The following QRSL1 variants were observed in gnomAD, a reference collection of about 807,000 sequenced individuals.
QRSL1 encodes glutaminyl-tRNA amidotransferase subunit QRSL1.
QRSL1 carries 54 observed loss-of-function variants against 61.6 expected under a neutral mutation model. The ratio of observed to expected loss-of-function variants is 0.88; its 90% CI spans 0.70 to 1.10. The LOEUF (loss-of-function observed/expected upper bound fraction) is 1.10, where lower values mean the gene tolerates loss of function less well. Ranked by LOEUF, QRSL1 falls within the 50% of genes least tolerant of loss-of-function variation. QRSL1 has a pLI of 0.00. For missense variants in QRSL1, 505 were observed against 622.6 expected (o/e 0.81, Z 2.01); for synonymous variants, 228 against 225.7 (o/e 1.01, Z -0.09).
Position 106,640,525 on chromosome 6 carries a change from TA to T in QRSL1, c.184+18del, listed in dbSNP as rs1304898638. On this transcript the variant is annotated intron_variant, in intron 2 of 10. Transcript: ENST00000369046. Reference sequence around the variant, plus strand: ...ATAAGAATGGTAAATTGCTTTTAACTATACTTAATTGTTATATCTCCAGAGA... The same window carrying T: ...ATAAGAATGGTAAATTGCTTTTAACTTACTTAATTGTTATATCTCCAGAGA... The T allele has an allele frequency of 1.3e-6, 2 of 1,522,130 alleles. No individual in the cohort carries two copies. Among genetic ancestry groups the T allele is most frequent in the South Asian group, 2.6e-5 (2 of 76,788 alleles). The allele number at this position is 1,522,130 out of a possible 1,614,324, so 94.3% of individuals were successfully genotyped here.
At chr6:106,661,433 T>C (rs1188351323) in intron 9 of QRSL1, among the ~76,000 whole-genome samples, 2 of 151,912 alleles carry the variant, frequency 1.3e-5, no homozygotes, top group Non-Finnish European at 1.5e-5. Flanking sequence ...CTTTATAAAA[T>C]TCAGGTTTTG....
Position 106,640,498 on chromosome 6 carries a change from A to G in QRSL1, c.174A>G (p.Arg58=), listed in dbSNP as rs781571714. Residue 58 remains arginine, a synonymous_variant, in exon 2 of 11, where the codon AGA becomes AGG. Coordinates refer to ENST00000369046, the MANE Select transcript of QRSL1 (RefSeq NM_018292.5). ...AACAAGCTGAAGAATCAGAAAAGAG[A>G]TATAAGAATGGTAAATTGCTTTTAA... ...ALKQAEESEK[R]YKNGQSLGDL... is the part of the protein sequence containing the mutation. 3 of 1,573,168 alleles carry G rather than the reference A, an allele frequency of 1.9e-6. No individual in the cohort carries two copies. In the Admixed American group the frequency reaches 6.1e-5, roughly 32 times the overall value.
chr6:106,631,151 G>C (rs370531057), intron 1 of QRSL1, among the ~76,000 whole-genome samples: 3 of 151,992 alleles, frequency 2.0e-5, no homozygotes, highest in Non-Finnish European at 4.4e-5. Context: ...GCGTGAACCC[G>C]GGAGGCGGAG....
intron 1 of QRSL1, among the ~76,000 whole-genome samples, chr6:106,637,226 G>T (rs920229772): frequency 2.6e-5 from 4 of 152,176 alleles, no homozygotes; most frequent in African/African-American, 9.7e-5. Context: ...TGGGATGGCT[G>T]GAGTTGACAT....
chr6:106,666,220 G>A lies in QRSL1; in HGVS notation c.*218G>A. 2.0e-6 allele frequency: 1 copy of A among 507,912 alleles called. No homozygotes were observed. Among genetic ancestry groups the A allele is most frequent in the South Asian group, 2.1e-5 (1 of 48,676 alleles). The allele number at this position is 507,912 out of a possible 1,614,324, so 31.5% of individuals were successfully genotyped here. A position where few individuals can be genotyped will look rare whatever the true frequency, so the allele number is the denominator to read the frequency against. ...CCAGCTACTCAGGAGGCTGAGGCAGGAGAATCACTTGAACCCTGGAGGTGG... is the reference window on the plus strand; with the variant it reads ...CCAGCTACTCAGGAGGCTGAGGCAGAAGAATCACTTGAACCCTGGAGGTGG... On this transcript the variant is annotated 3_prime_UTR_variant, in exon 11 of 11. Transcript: ENST00000369046.
intron 7 of QRSL1, among the ~76,000 whole-genome samples, chr6:106,654,315 A>G (rs923337324): frequency 2.6e-5 from 4 of 151,898 alleles, no homozygotes; most frequent in African/African-American, 9.7e-5. Context: ...GCGCCACTGC[A>G]CTCCAGCCTG....
At chr6:106,657,003 C>T (rs9384627) in intron 9 of QRSL1, among the ~76,000 whole-genome samples, 26,318 of 152,202 alleles carry the variant, frequency 0.17, 2,620 homozygotes, top group East Asian at 0.29. Context: ...GGCCCAGTGG[C>T]TCATGCCTGT....
At chr6:106,650,952 A>G (rs1777180785) in intron 5 of QRSL1, among the ~76,000 whole-genome samples, 1 of 152,210 alleles carries the variant, frequency 6.6e-6, no homozygotes, top group Non-Finnish European at 1.5e-5. Context: ...TTGTGGTAAA[A>G]TGCACATAAC....
intron 3 of QRSL1, 69 bp downstream of exon 3, chr6:106,640,990 A>G (rs1187313250): frequency 9.4e-7 from 1 of 1,069,126 alleles, no homozygotes. Context: ...AAGGATAATA[A>G]AGTACCAAGA....
intron 7 of QRSL1, 45 bp from the exon 8 acceptor site, chr6:106,654,685 T>C: frequency 2.0e-6 from 3 of 1,487,908 alleles, no homozygotes; most frequent in Non-Finnish European, 2.7e-6. Context: ...TTTTATAAAA[T>C]AATCTATACA....
intron 10 of QRSL1, among the ~76,000 whole-genome samples, chr6:106,663,649 G>A (rs1462088013): frequency 1.3e-5 from 2 of 152,138 alleles, no homozygotes; most frequent in South Asian, 2.1e-4. Context: ...ATGAGAAACC[G>A]TCCCCATGAT....
intron 1 of QRSL1, among the ~76,000 whole-genome samples, chr6:106,635,231 A>G (rs567433393): frequency 3.2e-4 from 48 of 152,312 alleles, no homozygotes; most frequent in African/African-American, 1.1e-3. Flanking sequence ...TTGGAGGTCA[A>G]CAATAGGAAG....
At chr6:106,660,435 C>A (rs1399377968) in intron 9 of QRSL1, among the ~76,000 whole-genome samples, 1 of 151,942 alleles carries the variant, frequency 6.6e-6, no homozygotes, top group Non-Finnish European at 1.5e-5. Flanking sequence ...AATCCTACCC[C>A]CAGCCACCCC....
chr6:106,639,062 T>C (rs1776967309), intron 1 of QRSL1, among the ~76,000 whole-genome samples: 1 of 151,856 alleles, frequency 6.6e-6, no homozygotes, highest in African/African-American at 2.4e-5. Flanking sequence ...TCAGTTTCTT[T>C]ATCTGTCAAA....
intron 1 of QRSL1, chr6:106,640,069 G>T: frequency 3.6e-6 from 1 of 276,200 alleles, no homozygotes; most frequent in Non-Finnish European, 6.8e-6. Flanking sequence ...GGACAGGATG[G>T]TTTACCTAAC....
At chr6:106,631,581 T>G (rs1776832173) in intron 1 of QRSL1, among the ~76,000 whole-genome samples, 1 of 152,234 alleles carries the variant, frequency 6.6e-6, no homozygotes, top group African/African-American at 2.4e-5. Flanking sequence ...GGACAGACAT[T>G]CTTACAGAAG....
rs765013402 is a variant in QRSL1 at position 106,652,390 on chromosome 6, T to TA, written c.733+7dup. On this transcript the variant is annotated splice_region_variant and intron_variant, in intron 6 of 10. Transcript: ENST00000369046. The stretch of plus-strand genomic sequence containing the variant: ...TGATGCAGCAATTGTGTTGGGTATT[T>TA]ATATAATTCTATATCATTTGCAACA... 77 of 1,613,582 alleles carry TA rather than the reference T, an allele frequency of 4.8e-5. No homozygotes were observed. Among genetic ancestry groups the TA allele is most frequent in the Non-Finnish European group, 6.4e-5 (75 of 1,179,760 alleles).
At chr6:106,646,602 A>G (rs535717432) in intron 4 of QRSL1, among the ~76,000 whole-genome samples, 39 of 152,180 alleles carry the variant, frequency 2.6e-4, no homozygotes, top group African/African-American at 9.1e-4. Flanking sequence ...GTCCTAGATC[A>G]GCCTGGGCAA....
chr6:106,629,786 A>C, intron 1 of QRSL1, 81 bp downstream of exon 1: 2 of 1,526,144 alleles, frequency 1.3e-6, no homozygotes, highest in Non-Finnish European at 1.8e-6. Flanking sequence ...CCTGGGCCTT[A>C]CCACGCATCT....
Sources: allele counts gnomAD v4.1 joint callset (sites outside exome capture counted in the v4.1 genomes callset), GRCh38; gene constraint gnomAD v4.1.1; transcripts MANE v1.5; gene names NCBI Gene and HGNC (gene_info 2026-07-23, HGNC 2026-07-21).